The following TNRC18 variants were observed in gnomAD, a reference collection of about 807,000 sequenced individuals.
TNRC18 encodes the protein trinucleotide repeat containing 18, also known as trinucleotide repeat-containing gene 18 protein.
In TNRC18, 69 loss-of-function variants were observed where a neutral mutation model predicts 226.7. The ratio of observed to expected loss-of-function variants is 0.30; its 90% CI spans 0.25 to 0.37. The LOEUF is 0.37. Ranked by LOEUF, TNRC18 falls within the 10% of genes least tolerant of loss-of-function variation. The probability of loss-of-function intolerance (pLI) is 1.00; values close to 1 mark genes in which losing one functional copy is unlikely to be tolerated. For missense variants in TNRC18, 4,754 were observed against 4,256.6 expected (o/e 1.12, Z -3.25); for synonymous variants, 2,449 against 1,927.6 (o/e 1.27, Z -7.09).
intron 2 of TNRC18, chr7:5,420,051 G>A (rs1438789564): frequency 5.1e-6 from 1 of 197,436 alleles, no homozygotes; most frequent in Admixed American, 5.5e-5. Flanking sequence ...CGGGAAGGAG[G>A]GACCAGGTGT....
chr7:5,349,911 C>A (rs1393583949), intron 17 of TNRC18, among the ~76,000 whole-genome samples: 2 of 152,186 alleles, frequency 1.3e-5, no homozygotes, highest in African/African-American at 2.4e-5. Context: ...CACTGAGGAG[C>A]CTGGGCCTCC....
chr7:5,402,964 C>G (rs1449952282), intron 2 of TNRC18, among the ~76,000 whole-genome samples: 2 of 152,072 alleles, frequency 1.3e-5, no homozygotes, highest in Non-Finnish European at 2.9e-5. Flanking sequence ...CTTCTCTACC[C>G]TGTGCTCCCC....
In TNRC18 at chr7:5,345,850, C is replaced by T. The variant is rs371527664; in HGVS notation, c.5471-40G>A. On this transcript the variant is annotated intron_variant, in intron 17 of 29. Coordinates refer to ENST00000430969, the MANE Select transcript of TNRC18 (RefSeq NM_001080495.3). Reference sequence around the variant, plus strand: ...ACAGGGACCGAGTCAGAGCCTTGGCCTTGGCGAGGGCCACCCCCCACCGCC... The same window carrying T: ...ACAGGGACCGAGTCAGAGCCTTGGCTTTGGCGAGGGCCACCCCCCACCGCC... The T allele has an allele frequency of 8.5e-5, 129 of 1,516,106 alleles. No individual in the cohort carries two copies. In the East Asian group the frequency reaches 2.5e-3, roughly 29 times the overall value. 93.9% of individuals were successfully genotyped at this position (1,516,106 alleles called of 1,614,324 possible).
At chr7:5,412,606 A>C (rs1781917909) in intron 2 of TNRC18, among the ~76,000 whole-genome samples, 1 of 152,100 alleles carries the variant, frequency 6.6e-6, no homozygotes, top group Non-Finnish European at 1.5e-5. Flanking sequence ...AATAAAAATA[A>C]AAAAATAAAA....
In TNRC18 at chr7:5,333,373, C is replaced by T. The variant is rs549954144; in HGVS notation, c.5720-324G>A. Among the ~76,000 whole-genome samples the T allele has an allele frequency of 3.5e-3, 538 of 152,332 alleles. 1 individual carries two copies. Among genetic ancestry groups the T allele is most frequent in the African/African-American group, 0.012 (511 of 41,584 alleles). ...CAGAAGCCAGGGCAGCTGGGCAGGA[C>T]GGGCCCCACACCTGCAGGGCAGCAG... On this transcript the variant is annotated intron_variant, in intron 18 of 29. Coordinates refer to ENST00000430969, the MANE Select transcript of TNRC18 (RefSeq NM_001080495.3).
chr7:5,318,443 GAC>G (rs1236957246), intron 24 of TNRC18, among the ~76,000 whole-genome samples: 2 of 152,210 alleles, frequency 1.3e-5, no homozygotes, highest in South Asian at 2.1e-4. Flanking sequence ...CAGAAAAAAA[GAC>G]ACACACACCA....
At chr7:5,344,027 T>C (rs975626460) in intron 18 of TNRC18, among the ~76,000 whole-genome samples, 1 of 152,108 alleles carries the variant, frequency 6.6e-6, no homozygotes, top group Admixed American at 6.6e-5. Context: ...AGAAACAATC[T>C]GTATCAGCAA....
In TNRC18 at chr7:5,348,167, G is replaced by A. The variant is rs180676890; in HGVS notation, c.5471-2357C>T. ...ACCAAAACCCCCCACCAAAAAGAGA[G>A]ACTGTCTTGAGGCAGACACTTGCTT... is the stretch of plus-strand genomic sequence containing the variant. On this transcript the variant is annotated intron_variant, in intron 17 of 29. Transcript: ENST00000430969. Among the ~76,000 whole-genome samples, 57 of 152,316 alleles carry A rather than the reference G, an allele frequency of 3.7e-4. No homozygotes were observed. In the East Asian group the frequency reaches 9.3e-3, roughly 25 times the overall value.
At chr7:5,345,517 G>GCTCCCCC in intron 18 of TNRC18, 45 bp downstream of exon 18, 14 of 377,744 alleles carry the variant, frequency 3.7e-5, no homozygotes, top group South Asian at 8.8e-5. Context: ...AATGGCGTCC[G>GCTCCCCC]CCCCTCCCAC....
At chr7:5,418,483 C>A (rs1025014395) in intron 2 of TNRC18, among the ~76,000 whole-genome samples, 3 of 152,108 alleles carry the variant, frequency 2.0e-5, no homozygotes, top group African/African-American at 7.2e-5. Flanking sequence ...TCTCCGAGGG[C>A]CCCTCCAGCT....
In TNRC18 at chr7:5,324,361, G is replaced by A. The variant is rs1788682522; in HGVS notation, c.6301-6C>T. The A allele has an allele frequency of 1.9e-6, 3 of 1,613,058 alleles. No homozygotes were observed. Among genetic ancestry groups the A allele is most frequent in the South Asian group, 2.2e-5 (2 of 91,068 alleles). Reference sequence around the variant, plus strand: ...GCACCCCCCTTGCCGCGGTTCTGGGGACAGAACATGGCCGACAAATGACTT... The same window carrying A: ...GCACCCCCCTTGCCGCGGTTCTGGGAACAGAACATGGCCGACAAATGACTT... On this transcript the variant is annotated splice_region_variant and splice_polypyrimidine_tract_variant and intron_variant, in intron 20 of 29. Coordinates refer to ENST00000430969, the MANE Select transcript of TNRC18 (RefSeq NM_001080495.3). This position sits in a 1 kb window ranked among gnomAD's most constrained non-coding sequence, Gnocchi z 4.8.
intron 17 of TNRC18, 41 bp downstream of exon 17, chr7:5,351,778 C>T: frequency 2.0e-6 from 3 of 1,526,234 alleles, no homozygotes; most frequent in Non-Finnish European, 2.6e-6. Context: ...CACTCTCTCG[C>T]TAGGAAACAC....
At chr7:5,407,894 T>C (rs1314699439) in intron 2 of TNRC18, among the ~76,000 whole-genome samples, 1 of 151,962 alleles carries the variant, frequency 6.6e-6, no homozygotes, top group Admixed American at 6.6e-5. Context: ...CTAGAAGACA[T>C]CAGATGCCTC....
chr7:5,390,652 G>T, intron 3 of TNRC18, 24 bp from the exon 4 acceptor site: 1 of 1,502,562 alleles, frequency 6.7e-7, no homozygotes, highest in Non-Finnish European at 8.9e-7. Context: ...GAGAAAAGCT[G>T]GGCTGGGCCA....
At position 5,378,029 on chromosome 7, in the gene TNRC18, AG is replaced by A. The variant is rs753310449; in HGVS notation, c.2153-6del. On this transcript the variant is annotated splice_region_variant and splice_polypyrimidine_tract_variant and intron_variant, in intron 5 of 29. Transcript: ENST00000430969. Reference sequence around the variant, plus strand: ...CCTCATCTGCTCGGCCGTGCCCTGCAGGGGGCCAGGTGGAAGTGAGCCCCCA... The same window carrying A: ...CCTCATCTGCTCGGCCGTGCCCTGCAGGGGCCAGGTGGAAGTGAGCCCCCA... 45 of 1,606,886 alleles carry A rather than the reference AG, an allele frequency of 2.8e-5. No individual in the cohort carries two copies. Among genetic ancestry groups the A allele is most frequent in the Non-Finnish European group, 3.8e-5 (45 of 1,178,804 alleles).
intron 2 of TNRC18, among the ~76,000 whole-genome samples, chr7:5,417,476 AAAACAAAC>A (rs1051592732): frequency 1.3e-5 from 2 of 152,316 alleles, no homozygotes; most frequent in East Asian, 1.9e-4. Context: ...TCTCAAAAAC[AAAACAAAC>A]AAACAAACAA....
chr7:5,347,354 T>C (rs1413202768), intron 17 of TNRC18, among the ~76,000 whole-genome samples: 8 of 114,242 alleles, frequency 7.0e-5, no homozygotes, highest in Non-Finnish European at 9.7e-5. Flanking sequence ...ACCAGGCTAA[T>C]TTTTTTTTTT....
At chr7:5,351,421 G>A (rs1436637545) in intron 17 of TNRC18, among the ~76,000 whole-genome samples, 6 of 151,008 alleles carry the variant, frequency 4.0e-5, no homozygotes, top group South Asian at 2.1e-4. Context: ...CACCGAACCC[G>A]TGCCCAAAGA....
At position 5,358,014 on chromosome 7, in the gene TNRC18, G is replaced by A. The variant is rs1792632526; in HGVS notation, c.4834-738C>T. ...GACCAAGTGCTGCTGCCGATGGCCT[G>A]AAGAAGGCAGCCGGATTAAGGGAGG... On this transcript the variant is annotated intron_variant, in intron 15 of 29. Transcript: ENST00000430969. Among the ~76,000 whole-genome samples, 4 of 152,174 alleles carry A rather than the reference G, an allele frequency of 2.6e-5. No individual in the cohort carries two copies. The South Asian group carries it at 6.2e-4, about 24-fold the overall frequency.
Sources: gnomAD v4.1 joint callset for allele counts (sites outside exome capture counted in the v4.1 genomes callset) on GRCh38, gnomAD v4.1.1 for gene constraint, Gnocchi (gnomAD v3.1) non-coding constraint, MANE v1.5 for transcripts, NCBI Gene and HGNC (gene_info 2026-07-23, HGNC 2026-07-21) for gene names.